The following USP37 variants were observed in gnomAD, a reference collection of about 807,000 sequenced individuals.
The protein encoded by USP37 is ubiquitin carboxyl-terminal hydrolase 37.
USP37 carries 27 observed loss-of-function variants against 124.0 expected under a neutral mutation model. The observed-to-expected ratio is 0.22, with a 90% CI of 0.16 to 0.30. The LOEUF (loss-of-function observed/expected upper bound fraction) is 0.30, where lower values mean the gene tolerates loss of function less well. Ranked by LOEUF, USP37 falls within the 10% of genes least tolerant of loss-of-function variation. The probability of loss-of-function intolerance (pLI) is 1.00; values close to 1 mark genes in which losing one functional copy is unlikely to be tolerated. For missense variants in USP37, 889 were observed against 1,140.4 expected (o/e 0.78, Z 3.17); for synonymous variants, 365 against 388.0 (o/e 0.94, Z 0.70).
intron 14 of USP37, among the ~76,000 whole-genome samples, chr2:218,489,952 G>A (rs971684051): frequency 6.6e-6 from 1 of 152,168 alleles, no homozygotes; most frequent in African/African-American, 2.4e-5. Flanking sequence ...TTTCGTTGTT[G>A]TATAGCTTTA....
At chr2:218,493,829 C>T (rs2105986411) in intron 14 of USP37, among the ~76,000 whole-genome samples, 1 of 152,242 alleles carries the variant, frequency 6.6e-6, no homozygotes, top group South Asian at 2.1e-4. Flanking sequence ...GCTCCCCAGA[C>T]CTGACTGACA....
At chr2:218,467,347 CTATCTA>C (rs1690400886) in intron 20 of USP37, among the ~76,000 whole-genome samples, 1 of 150,812 alleles carries the variant, frequency 6.6e-6, no homozygotes, top group Non-Finnish European at 1.5e-5. Context: ...ATCTATCTAT[CTATCTA>C]TCTATTTTTT....
intron 9 of USP37, among the ~76,000 whole-genome samples, chr2:218,531,409 A>G (rs1691311385): frequency 6.6e-6 from 1 of 152,204 alleles, no homozygotes. Context: ...CTGATACCCA[A>G]TGCTCAGAAA....
intron 10 of USP37, among the ~76,000 whole-genome samples, chr2:218,517,356 CTT>C (rs2106010319): frequency 6.6e-6 from 1 of 152,278 alleles, no homozygotes; most frequent in East Asian, 1.9e-4. Context: ...AAGCTCCAAC[CTT>C]TAATCTGAGT....
At chr2:218,467,676 G>T (rs1481091396) in intron 20 of USP37, among the ~76,000 whole-genome samples, 2 of 151,720 alleles carry the variant, frequency 1.3e-5, no homozygotes, top group African/African-American at 4.8e-5. Flanking sequence ...TAGAGATAGA[G>T]TTTCACCATG....
chr2:218,477,053 A>G, intron 18 of USP37, 72 bp from the exon 19 acceptor site: 1 of 1,404,468 alleles, frequency 7.1e-7, no homozygotes, highest in Non-Finnish European at 9.3e-7. Context: ...TAAAAATATC[A>G]AAACAAATTG....
At chr2:218,481,778 C>T (rs1270413089) in intron 17 of USP37, among the ~76,000 whole-genome samples, 1 of 151,088 alleles carries the variant, frequency 6.6e-6, no homozygotes, top group South Asian at 2.1e-4. Context: ...ACCTCAGCCT[C>T]GAGTAGCTGG....
chr2:218,538,818 C>T (rs1052696524), intron 8 of USP37, among the ~76,000 whole-genome samples: 2 of 152,084 alleles, frequency 1.3e-5, no homozygotes, highest in African/African-American at 4.8e-5. Flanking sequence ...CAGTAGTTCC[C>T]CCTTATCTTC....
At chr2:218,487,831 A>G (rs1484277184) in intron 15 of USP37, among the ~76,000 whole-genome samples, 1 of 152,154 alleles carries the variant, frequency 6.6e-6, no homozygotes, top group African/African-American at 2.4e-5. Context: ...TCAAGCTTTT[A>G]AAAATAATAA....
rs959353142 is a variant in USP37 at position 218,485,655 on chromosome 2, A to T, written c.1670+9T>A. On this transcript the variant is annotated intron_variant, in intron 16 of 25. Transcript: ENST00000258399. Reference sequence around the variant, plus strand: ...CATAGCAAAAAAAAAAAAAAAAAAAAAAAATTACCTAGGAAGCCTGTTAAA... The same window carrying T: ...CATAGCAAAAAAAAAAAAAAAAAAATAAAATTACCTAGGAAGCCTGTTAAA... 1 of 1,569,698 alleles carries T rather than the reference A, an allele frequency of 6.4e-7. No homozygotes were observed. Among genetic ancestry groups the T allele is most frequent in the Non-Finnish European group, 8.6e-7 (1 of 1,166,990 alleles).
intron 10 of USP37, among the ~76,000 whole-genome samples, chr2:218,523,576 G>GT (rs1381575985): frequency 1.3e-5 from 2 of 150,372 alleles, no homozygotes. Context: ...TTGGCGGGGG[G>GT]GTCTTTTTTC....
chr2:218,553,662 C>T lies in USP37; in HGVS notation c.219G>A (p.Met73Ile), dbSNP rs1302366159. 1.9e-6 allele frequency: 3 copies of T among 1,613,934 alleles called. No individual in the cohort carries two copies. Among genetic ancestry groups the T allele is most frequent in the East Asian group, 2.2e-5 (1 of 44,888 alleles). The change falls in exon 5 of 26, where the codon ATG becomes ATA. Residue 73 changes from methionine to isoleucine, a missense_variant. Met to Ile is a conservative substitution (Grantham distance 10). Transcript: ENST00000258399. ...RPSGAKQSRL[M>I]LTLQDNSFLS... ...AGAAGCTGTTATCTTGCAGAGTTAA[C>T]ATTAGGCGGCTTTGTTTCGCTCCAC...
At position 218,479,646 on chromosome 2, in the gene USP37, T is replaced by G; in HGVS notation, c.1901+4A>C. 6.2e-7 allele frequency: 1 copy of G among 1,612,136 alleles called. No homozygotes were observed. Among genetic ancestry groups the G allele is most frequent in the Non-Finnish European group, 8.5e-7 (1 of 1,178,800 alleles). ...ATTTTGGGTACATAAGAAATATAAC[T>G]CACTTTGAAGGTGTAGAAGGGCTGG... is the stretch of plus-strand genomic sequence containing the variant. On this transcript the variant is annotated splice_donor_region_variant and intron_variant, in intron 18 of 25. Transcript: ENST00000258399.
chr2:218,510,308 A>G (rs1017605337), intron 10 of USP37, among the ~76,000 whole-genome samples, 168 bp from the exon 11 acceptor site: 1 of 152,226 alleles, frequency 6.6e-6, no homozygotes, highest in Non-Finnish European at 1.5e-5. Flanking sequence ...AAATTAGCAA[A>G]TCTGTTCCTA....
intron 20 of USP37, among the ~76,000 whole-genome samples, chr2:218,468,450 T>C (rs1415152573): frequency 6.6e-6 from 1 of 152,004 alleles, no homozygotes; most frequent in Admixed American, 6.6e-5. Context: ...CTCGAACTCC[T>C]GACGTCAGGT....
chr2:218,520,499 G>A (rs909277618), intron 10 of USP37, among the ~76,000 whole-genome samples: 1 of 151,782 alleles, frequency 6.6e-6, no homozygotes, highest in Non-Finnish European at 1.5e-5. Flanking sequence ...GCAGGCATAC[G>A]CCACCACGCC....
intron 13 of USP37, among the ~76,000 whole-genome samples, chr2:218,496,798 G>A (rs1439002903): frequency 6.6e-6 from 1 of 151,920 alleles, no homozygotes; most frequent in African/African-American, 2.4e-5. Flanking sequence ...ACAGACATGC[G>A]ACATCACGCC....
chr2:218,547,484 A>G (rs1314802144), intron 6 of USP37, among the ~76,000 whole-genome samples: 3 of 151,502 alleles, frequency 2.0e-5, no homozygotes, highest in Non-Finnish European at 4.4e-5. Flanking sequence ...AGTGTGAAAA[A>G]TTGAGCTTGA....
At chr2:218,487,701 G>A (rs1201898490) in intron 15 of USP37, among the ~76,000 whole-genome samples, 2 of 152,126 alleles carry the variant, frequency 1.3e-5, no homozygotes, top group East Asian at 3.8e-4. Context: ...TTACAGGTGT[G>A]AGCCACTGCG....
Sources: allele counts gnomAD v4.1 joint callset (sites outside exome capture counted in the v4.1 genomes callset), GRCh38; gene constraint gnomAD v4.1.1; transcripts MANE v1.5; gene names NCBI Gene and HGNC (gene_info 2026-07-23, HGNC 2026-07-21).